Variants in ACOX1 observed in about 807,000 individuals in gnomAD.
ACOX1 encodes the protein acyl-CoA oxidase 1, also known as peroxisomal acyl-coenzyme A oxidase 1.
A neutral mutation model predicts 75.5 loss-of-function variants in ACOX1; 41 were observed. The observed-to-expected ratio is 0.54, with a 90% CI of 0.42 to 0.70. The LOEUF (loss-of-function observed/expected upper bound fraction) is 0.70, where lower values mean the gene tolerates loss of function less well. Ranked by LOEUF, ACOX1 falls within the 30% of genes least tolerant of loss-of-function variation. The pLI is 0.00. For missense variants in ACOX1, 630 were observed against 837.5 expected (o/e 0.75, Z 3.06); for synonymous variants, 303 against 298.8 (o/e 1.01, Z -0.15).
Position 75,978,374 on chromosome 17 carries a change from T to C in ACOX1, c.269+160A>G. On this transcript the variant is annotated intron_variant, in intron 2 of 13. Coordinates refer to ENST00000293217, the MANE Select transcript of ACOX1 (RefSeq NM_004035.7). The surrounding 1 kb of genome is among the most constrained non-coding windows in gnomAD (Gnocchi z 4.2). ...TCCCAAAGTGCTGGGATTACAGGCGTGAGCCACCGCGCCCGGCCACACATA... is the reference window on the plus strand; with the variant it reads ...TCCCAAAGTGCTGGGATTACAGGCGCGAGCCACCGCGCCCGGCCACACATA... The C allele has an allele frequency of 1.1e-6, 1 of 930,214 alleles. No individual in the cohort carries two copies. Among genetic ancestry groups the C allele is most frequent in the Non-Finnish European group, 1.6e-6 (1 of 606,466 alleles). 57.6% of individuals were successfully genotyped at this position (930,214 alleles called of 1,614,324 possible).
chr17:75,973,703 C>T, intron 2 of ACOX1: 1 of 1,614,142 alleles, frequency 6.2e-7, no homozygotes, highest in Non-Finnish European at 8.5e-7. Context: ...TCTTTCTGAG[C>T]AGTGGTGCCC....
At chr17:75,971,843 A>C (rs373137935) in intron 2 of ACOX1, among the ~76,000 whole-genome samples, 5 of 152,346 alleles carry the variant, frequency 3.3e-5, no homozygotes, top group African/African-American at 1.2e-4. Flanking sequence ...ATACTTAACA[A>C]ATCCATTAGC....
chr17:75,967,705 TACATATATATATAC>T (rs2065950265), intron 2 of ACOX1, among the ~76,000 whole-genome samples: 1 of 137,866 alleles, frequency 7.3e-6, no homozygotes, highest in South Asian at 2.2e-4. Context: ...TACATATATA[TACATATATATATAC>T]ACATATATAT....
rs2065677233 is a variant in ACOX1 at position 75,942,228 on chromosome 17, A to C, written c.*4520T>G. 1 of 152,038 alleles carries C rather than the reference A, an allele frequency of 6.6e-6. No homozygotes were observed. Among genetic ancestry groups the C allele is most frequent in the Non-Finnish European group, 1.5e-5 (1 of 68,034 alleles). 9.4% of individuals were successfully genotyped at this position (152,038 alleles called of 1,614,324 possible). On this transcript the variant is annotated 3_prime_UTR_variant, in exon 14 of 14. Coordinates refer to ENST00000293217, the MANE Select transcript of ACOX1 (RefSeq NM_004035.7). ...GGTGGATCACGAGGTCAGGAGTTCA[A>C]GACCAGCCTGGCCAACTTGGTGAAA...
At chr17:75,975,324 A>G (rs2066037997) in intron 2 of ACOX1, among the ~76,000 whole-genome samples, 1 of 151,536 alleles carries the variant, frequency 6.6e-6, no homozygotes, top group Admixed American at 6.6e-5. Flanking sequence ...AAGCCCGGTT[A>G]ATTTTGTATT....
chr17:75,959,175 T>G (rs1385312250), intron 3 of ACOX1, among the ~76,000 whole-genome samples: 2 of 152,208 alleles, frequency 1.3e-5, no homozygotes, highest in African/African-American at 4.8e-5. Flanking sequence ...TTAAACACAC[T>G]TTGAAACATT....
At chr17:75,962,176 CAAT>C (rs751762722) in intron 2 of ACOX1, among the ~76,000 whole-genome samples, 2 of 152,008 alleles carry the variant, frequency 1.3e-5, no homozygotes, top group African/African-American at 2.4e-5. Flanking sequence ...CTCTTCATCC[CAAT>C]AATTTATTTC....
chr17:75,946,129 G>A lies in ACOX1; in HGVS notation c.*619C>T, dbSNP rs1431628158. ...CAATGGTCCTACAGTAGGCCCGTGC[G>A]GAATAAGTTCCCTCGTTGGAAAAAT... On this transcript the variant is annotated 3_prime_UTR_variant, in exon 14 of 14. Transcript: ENST00000293217. 4.4e-5 allele frequency: 7 copies of A among 158,686 alleles called. No individual in the cohort carries two copies. The highest frequency in any genetic ancestry group is 3.6e-4 in the South Asian group (2 of 5,574). The allele number at this position is 158,686 out of a possible 1,614,324, so 9.8% of individuals were successfully genotyped here.
At chr17:75,970,751 G>C (rs1435210354) in intron 2 of ACOX1, among the ~76,000 whole-genome samples, 1 of 152,124 alleles carries the variant, frequency 6.6e-6, no homozygotes, top group Non-Finnish European at 1.5e-5. Context: ...TAAATAGTTA[G>C]ATCTCATTCT....
intron 6 of ACOX1, among the ~76,000 whole-genome samples, chr17:75,954,697 G>A (rs1345926527): frequency 6.8e-6 from 1 of 147,690 alleles, no homozygotes; most frequent in Admixed American, 6.8e-5. Context: ...TCAGCCTCCT[G>A]AGTAGCTGAG....
At chr17:75,968,903 CA>C (rs1196016860) in intron 2 of ACOX1, among the ~76,000 whole-genome samples, 7 of 136,578 alleles carry the variant, frequency 5.1e-5, no homozygotes, top group Admixed American at 2.3e-4. Context: ...GCCTGAGCAA[CA>C]AGAGCAAAAC....
At chr17:75,977,276 A>G (rs1482443662) in intron 2 of ACOX1, among the ~76,000 whole-genome samples, 3 of 151,888 alleles carry the variant, frequency 2.0e-5, no homozygotes, top group Non-Finnish European at 4.4e-5. Flanking sequence ...GATTACAGGC[A>G]TGAGCCACTG....
chr17:75,962,758 G>T (rs1337317640), intron 2 of ACOX1, among the ~76,000 whole-genome samples: 1 of 152,182 alleles, frequency 6.6e-6, no homozygotes, highest in African/African-American at 2.4e-5. Flanking sequence ...AGGGAAAAAA[G>T]AAAATGGCAA....
chr17:75,975,040 ACT>A (rs1477557280), intron 2 of ACOX1, among the ~76,000 whole-genome samples: 14 of 120,794 alleles, frequency 1.2e-4, no homozygotes, highest in African/African-American at 3.0e-4. Context: ...ACAGAGCGAG[ACT>A]CTGTCTCCAA....
intron 2 of ACOX1, among the ~76,000 whole-genome samples, chr17:75,963,217 A>G (rs1161627389): frequency 2.0e-5 from 3 of 152,126 alleles, no homozygotes; most frequent in Non-Finnish European, 4.4e-5. Flanking sequence ...AAAGTTACCT[A>G]CTGGGTACTA....
At position 75,945,667 on chromosome 17, in the gene ACOX1, G is replaced by A. The variant is rs2065713389; in HGVS notation, c.*1081C>T. The A allele has an allele frequency of 2.0e-5, 3 of 153,652 alleles. No individual in the cohort carries two copies. Among genetic ancestry groups the A allele is most frequent in the African/African-American group, 2.4e-5 (1 of 41,414 alleles). The allele number at this position is 153,652 out of a possible 1,614,324, so 9.5% of individuals were successfully genotyped here. ...GATTTCAACTGAAAGGACAATTAGCGATTCAGAGAAAGCTCCTAGAAATAG... is the reference window on the plus strand; with the variant it reads ...GATTTCAACTGAAAGGACAATTAGCAATTCAGAGAAAGCTCCTAGAAATAG... On this transcript the variant is annotated 3_prime_UTR_variant, in exon 14 of 14. Coordinates refer to ENST00000293217, the MANE Select transcript of ACOX1 (RefSeq NM_004035.7).
rs994142010 is a variant in ACOX1, at chr17:75,942,198, A to C, written c.*4550T>G. Reference sequence around the variant, plus strand: ...GTAATCCCAGCACTTTGGGAGGCCGAGGTGGGTGGATCACGAGGTCAGGAG... The same window carrying C: ...GTAATCCCAGCACTTTGGGAGGCCGCGGTGGGTGGATCACGAGGTCAGGAG... On this transcript the variant is annotated 3_prime_UTR_variant, in exon 14 of 14. Transcript: ENST00000293217. The C allele has an allele frequency of 2.0e-5, 3 of 152,160 alleles. No individual in the cohort carries two copies. In the South Asian group the frequency reaches 6.2e-4, roughly 32 times the overall value. 9.4% of individuals were successfully genotyped at this position (152,160 alleles called of 1,614,324 possible).
chr17:75,964,313 T>A (rs927563585), intron 2 of ACOX1, among the ~76,000 whole-genome samples: 1 of 152,000 alleles, frequency 6.6e-6, no homozygotes, highest in South Asian at 2.1e-4. Context: ...GAAAATTCAA[T>A]GTGCACTTAG....
intron 6 of ACOX1, among the ~76,000 whole-genome samples, chr17:75,954,712 C>T (rs1298233581): frequency 2.0e-5 from 3 of 149,912 alleles, no homozygotes; most frequent in African/African-American, 7.4e-5. Flanking sequence ...GCTGAGATTA[C>T]AGGCGTGTGC....
Sources: gnomAD v4.1 joint callset for allele counts (sites outside exome capture counted in the v4.1 genomes callset) on GRCh38, gnomAD v4.1.1 for gene constraint, Gnocchi (gnomAD v3.1) non-coding constraint, MANE v1.5 for transcripts, NCBI Gene and HGNC (gene_info 2026-07-23, HGNC 2026-07-21) for gene names.